The following ERC1 variants were observed in gnomAD, a reference collection of about 807,000 sequenced individuals.
ERC1 encodes the protein ELKS/RAB6-interacting/CAST family member 1, also known as RAB6 interacting protein 2.
A neutral mutation model predicts 132.0 loss-of-function variants in ERC1; 56 were observed. The ratio of observed to expected loss-of-function variants is 0.42; its 90% CI spans 0.34 to 0.53. ERC1 has a LOEUF of 0.53. Among genes scored for constraint, ERC1 ranks in the 20% least tolerant of loss-of-function variants. The pLI is 0.03. For synonymous variants in ERC1, 478 were observed against 476.1 expected (o/e 1.00, Z -0.05); for missense variants, 1,202 against 1,349.9 (o/e 0.89, Z 1.72).
At chr12:1,293,370 A>ACT (rs2079617253) in intron 15 of ERC1, among the ~76,000 whole-genome samples, 22 of 134,998 alleles carry the variant, frequency 1.6e-4, no homozygotes, top group African/African-American at 5.8e-4. Context: ...GGAGAATAGC[A>ACT]TCAACCCAGG....
At chr12:1,464,954 A>T (rs769558278) in intron 18 of ERC1, among the ~76,000 whole-genome samples, 2 of 152,150 alleles carry the variant, frequency 1.3e-5, no homozygotes, top group African/African-American at 4.8e-5. Context: ...CTCAGCATTT[A>T]TGGAGATCTT....
intron 12 of ERC1, among the ~76,000 whole-genome samples, chr12:1,219,756 C>G (rs1438732626): frequency 1.3e-5 from 2 of 152,058 alleles, no homozygotes; most frequent in African/African-American, 2.4e-5. Context: ...CCACCTCAGC[C>G]TCCCAAGTAG....
intron 13 of ERC1, among the ~76,000 whole-genome samples, chr12:1,239,743 G>A (rs1217201348): frequency 6.6e-6 from 1 of 152,140 alleles, no homozygotes; most frequent in Non-Finnish European, 1.5e-5. Flanking sequence ...GAAAATAAAA[G>A]AAGTTAGGAA....
At chr12:1,126,766 G>T (rs1049804602) in intron 7 of ERC1, among the ~76,000 whole-genome samples, 2 of 151,954 alleles carry the variant, frequency 1.3e-5, no homozygotes, top group Admixed American at 1.3e-4. Context: ...GAAGCGGGCG[G>T]ATCATGAGGT....
intron 7 of ERC1, among the ~76,000 whole-genome samples, chr12:1,121,779 A>ATCTATC (rs1257637114): frequency 2.0e-4 from 1 of 5,112 alleles, no homozygotes; most frequent in African/African-American, 3.5e-4. Flanking sequence ...CTCTATCTCT[A>ATCTATC]TCTATCTCTA....
At chr12:1,185,918 T>A (rs892096783) in intron 11 of ERC1, among the ~76,000 whole-genome samples, 2 of 152,222 alleles carry the variant, frequency 1.3e-5, no homozygotes, top group African/African-American at 2.4e-5. Flanking sequence ...TTGTGGCTTT[T>A]AGCCACACCA....
intron 8 of ERC1, among the ~76,000 whole-genome samples, chr12:1,143,261 G>C (rs1489077154): frequency 6.6e-6 from 1 of 151,470 alleles, no homozygotes; most frequent in East Asian, 1.9e-4. Flanking sequence ...TCAAACTCCT[G>C]GCCCTAAGCC....
intron 2 of ERC1, among the ~76,000 whole-genome samples, chr12:1,041,057 T>A (rs1970123333): frequency 6.6e-6 from 1 of 152,176 alleles, no homozygotes; most frequent in South Asian, 2.1e-4. Flanking sequence ...CAAGCAGCTT[T>A]TGTTTATGTA....
intron 8 of ERC1, among the ~76,000 whole-genome samples, chr12:1,171,343 T>C (rs1953039286): frequency 6.7e-6 from 1 of 150,036 alleles, no homozygotes; most frequent in Non-Finnish European, 1.5e-5. Flanking sequence ...AGCAATAGTC[T>C]GGGCAAAACA....
At chr12:1,423,113 A>G (rs1487197728) in intron 17 of ERC1, among the ~76,000 whole-genome samples, 1 of 152,168 alleles carries the variant, frequency 6.6e-6, no homozygotes, top group African/African-American at 2.4e-5. Flanking sequence ...GAAACCACCA[A>G]CTAACCCCCT....
At position 1,490,305 on chromosome 12, in the gene ERC1, G is replaced by C. The variant is rs2094306176; in HGVS notation, c.*75G>C. 1 of 1,466,934 alleles carries C rather than the reference G, an allele frequency of 6.8e-7. No homozygotes were observed. 90.9% of individuals were successfully genotyped at this position (1,466,934 alleles called of 1,614,324 possible). A position where few individuals can be genotyped will look rare whatever the true frequency, so the allele number is the denominator to read the frequency against. On this transcript the variant is annotated 3_prime_UTR_variant, in exon 19 of 19. Coordinates refer to ENST00000360905, the MANE Select transcript of ERC1 (RefSeq NM_178040.4). Reference sequence around the variant, plus strand: ...GAGAACTACGAGGAACAGGTGCCCGGAACCTTCTTGGCACCAAACACTACA... The same window carrying C: ...GAGAACTACGAGGAACAGGTGCCCGCAACCTTCTTGGCACCAAACACTACA...
At chr12:1,381,844 A>G (rs1320942509) in intron 16 of ERC1, among the ~76,000 whole-genome samples, 1 of 152,178 alleles carries the variant, frequency 6.6e-6, no homozygotes, top group African/African-American at 2.4e-5. Context: ...TAGCAAAGCC[A>G]TTCTGTGCTT....
At chr12:1,237,182 G>A (rs1566341433) in intron 13 of ERC1, among the ~76,000 whole-genome samples, 1 of 152,170 alleles carries the variant, frequency 6.6e-6, no homozygotes, top group Non-Finnish European at 1.5e-5. Context: ...AGTTTAATGA[G>A]TGGGTTATAT....
chr12:1,130,778 T>C (rs777429100), intron 7 of ERC1, among the ~76,000 whole-genome samples: 1 of 152,130 alleles, frequency 6.6e-6, no homozygotes, highest in Non-Finnish European at 1.5e-5. Context: ...TAAAACAGTT[T>C]ACTTCCGTGT....
rs1286049501 is a variant in ERC1 at position 1,255,656 on chromosome 12, G to A, written c.2488-7378G>A. Reference sequence around the variant, plus strand: ...TTTTTTTTTTTTTTTTTTTTGAGACGGAGTCTCATTCTGTTGCCCAGGCTG... The same window carrying A: ...TTTTTTTTTTTTTTTTTTTTGAGACAGAGTCTCATTCTGTTGCCCAGGCTG... On this transcript the variant is annotated intron_variant, in intron 13 of 18. Coordinates refer to ENST00000360905, the MANE Select transcript of ERC1 (RefSeq NM_178040.4). 1.3e-3 allele frequency among the ~76,000 whole-genome samples: 82 copies of A among 65,030 alleles called. 1 individual carries two copies. The highest frequency in any genetic ancestry group is 2.9e-3 in the East Asian group (9 of 3,064). The allele number at this position is 65,030 out of a possible 152,430, so 42.7% of individuals were successfully genotyped here. A position where few individuals can be genotyped will look rare whatever the true frequency, so the allele number is the denominator to read the frequency against.
At chr12:1,054,109 A>G (rs1038999846) in intron 2 of ERC1, among the ~76,000 whole-genome samples, 6 of 152,344 alleles carry the variant, frequency 3.9e-5, no homozygotes, top group Middle Eastern at 3.4e-3. Flanking sequence ...TGGATTTCCT[A>G]TATTTGTGGA....
At chr12:1,467,419 G>C (rs541416464) in intron 18 of ERC1, among the ~76,000 whole-genome samples, 223 of 152,264 alleles carry the variant, frequency 1.5e-3, no homozygotes, top group South Asian at 5.6e-3. Flanking sequence ...GTTCAAAAAA[G>C]GGAGGGACCC....
chr12:1,276,474 A>T (rs2154334460), intron 14 of ERC1, among the ~76,000 whole-genome samples: 2 of 152,006 alleles, frequency 1.3e-5, no homozygotes, highest in South Asian at 4.1e-4. Context: ...TCCTGACCTC[A>T]GGTGATCTGC....
intron 15 of ERC1, among the ~76,000 whole-genome samples, chr12:1,330,753 C>T (rs2082802977): frequency 6.6e-6 from 1 of 152,066 alleles, no homozygotes; most frequent in African/African-American, 2.4e-5. Flanking sequence ...AACAATTCTC[C>T]CAAATACTGT....
Sources: allele counts gnomAD v4.1 joint callset (sites outside exome capture counted in the v4.1 genomes callset), GRCh38; gene constraint gnomAD v4.1.1; transcripts MANE v1.5; gene names NCBI Gene and HGNC (gene_info 2026-07-23, HGNC 2026-07-21).